Variants in CDYL observed in about 807,000 individuals in gnomAD.
CDYL encodes chromodomain Y like.
In CDYL, 8 loss-of-function variants were observed where a neutral mutation model predicts 47.3. That is an observed-to-expected ratio of 0.17 (90% CI 0.10 to 0.31). The LOEUF is 0.31. Ranked by LOEUF, CDYL falls within the 10% of genes least tolerant of loss-of-function variation. CDYL has a pLI of 1.00. For synonymous variants in CDYL, 266 were observed against 265.0 expected, an observed-to-expected ratio of 1.00 and a Z score of -0.04; for missense variants, 471 against 701.4, an observed-to-expected ratio of 0.67 and a Z score of 3.71.
At chr6:4,950,932 A>AG (rs1410852709) in intron 5 of CDYL, among the ~76,000 whole-genome samples, 2 of 16,752 alleles carry the variant, frequency 1.2e-4, no homozygotes, top group Non-Finnish European at 3.6e-4. Context: ...ACTCCGTCTC[A>AG]AAAAAAAAAA....
chr6:4,840,009 A>C (rs1257364383), intron 1 of CDYL, among the ~76,000 whole-genome samples: 1 of 152,174 alleles, frequency 6.6e-6, no homozygotes, highest in African/African-American at 2.4e-5. Flanking sequence ...TGTTTTTGAC[A>C]GTATGGCCAT....
chr6:4,815,033 G>T (rs1221419633), intron 1 of CDYL, among the ~76,000 whole-genome samples: 1 of 152,168 alleles, frequency 6.6e-6, no homozygotes, highest in Non-Finnish European at 1.5e-5. Flanking sequence ...GTGACCCTTA[G>T]TTTGCCTTCT....
intron 1 of CDYL, among the ~76,000 whole-genome samples, chr6:4,857,209 A>G (rs1249083470): frequency 1.3e-5 from 2 of 152,216 alleles, no homozygotes; most frequent in Non-Finnish European, 2.9e-5. Context: ...CACTGGCATT[A>G]AATACATTCA....
chr6:4,852,801 T>G (rs1223745607), intron 1 of CDYL, among the ~76,000 whole-genome samples: 1 of 148,688 alleles, frequency 6.7e-6, no homozygotes, highest in Non-Finnish European at 1.5e-5. Flanking sequence ...ATGGGTTTCT[T>G]TGTTCTTTTT....
At chr6:4,828,549 C>A (rs1760045790) in intron 1 of CDYL, among the ~76,000 whole-genome samples, 1 of 152,088 alleles carries the variant, frequency 6.6e-6, no homozygotes, top group Non-Finnish European at 1.5e-5. Flanking sequence ...TTAGGATTTT[C>A]TTTTTGTCTT....
chr6:4,723,693 C>T (rs1582280823), intron 2 of CDYL, among the ~76,000 whole-genome samples: 1 of 152,118 alleles, frequency 6.6e-6, no homozygotes, highest in Non-Finnish European at 1.5e-5. Context: ...GGAGTCCTCG[C>T]CTGTCAGCAC....
At chr6:4,911,030 G>A (rs1757399597) in intron 2 of CDYL, among the ~76,000 whole-genome samples, 1 of 152,130 alleles carries the variant, frequency 6.6e-6, no homozygotes, top group African/African-American at 2.4e-5. Context: ...AGTAGAGACG[G>A]GGTTTCACCG....
chr6:4,947,253 G>A (rs1178100230), intron 5 of CDYL, among the ~76,000 whole-genome samples: 1 of 152,212 alleles, frequency 6.6e-6, no homozygotes, highest in Non-Finnish European at 1.5e-5. Flanking sequence ...GGGGGCTTAC[G>A]TGTTCTGATA....
chr6:4,930,481 C>T lies in CDYL; in HGVS notation c.692-5034C>T, dbSNP rs534208876. 5.9e-5 allele frequency among the ~76,000 whole-genome samples: 9 copies of T among 152,314 alleles called. No individual in the cohort carries two copies. The East Asian group carries it at 9.7e-4, about 16-fold the overall frequency. On this transcript the variant is annotated intron_variant, in intron 2 of 6. Coordinates refer to ENST00000397588, the MANE Select transcript of CDYL (RefSeq NM_004824.4). ...GTGGCAGCTGCTTTCGGTGGAAAGG[C>T]GGGTGGACTGTTAGGCTCACCATGT...
chr6:4,860,513 AATAT>A (rs901657209), intron 1 of CDYL, among the ~76,000 whole-genome samples: 10 of 147,500 alleles, frequency 6.8e-5, no homozygotes, highest in East Asian at 2.0e-4. Context: ...ATATATAAAA[AATAT>A]ATATATAATG....
chr6:4,777,156 C>G, intron 1 of CDYL, among the ~76,000 whole-genome samples: 1 of 68,952 alleles, frequency 1.5e-5, no homozygotes, highest in African/African-American at 8.0e-5. Context: ...GTGGGCGGTA[C>G]GGGGGGTGGG....
intron 1 of CDYL, among the ~76,000 whole-genome samples, chr6:4,861,289 G>A (rs1265623249): frequency 1.3e-5 from 2 of 152,256 alleles, no homozygotes; most frequent in South Asian, 2.1e-4. Flanking sequence ...AAATGGAGTC[G>A]TTAACTGTGG....
chr6:4,908,473 A>G (rs1757306176), intron 2 of CDYL, among the ~76,000 whole-genome samples: 1 of 152,184 alleles, frequency 6.6e-6, no homozygotes, highest in Admixed American at 6.5e-5. Flanking sequence ...ATTTCACTGT[A>G]GTTTGCTCAG....
chr6:4,910,490 G>A (rs183495074), intron 2 of CDYL, among the ~76,000 whole-genome samples: 187 of 152,314 alleles, frequency 1.2e-3, no homozygotes, highest in Non-Finnish European at 2.1e-3. Context: ...GGTTCACTGG[G>A]TGACCCCCAT....
chr6:4,742,373 A>G (rs1031673162), intron 3 of CDYL, among the ~76,000 whole-genome samples: 3 of 151,656 alleles, frequency 2.0e-5, no homozygotes, highest in Admixed American at 6.6e-5. Context: ...TCAAAAAAAA[A>G]AAAAAAAAGA....
At chr6:4,744,271 C>A (rs1236402050) in intron 3 of CDYL, among the ~76,000 whole-genome samples, 1 of 152,120 alleles carries the variant, frequency 6.6e-6, no homozygotes, top group Non-Finnish European at 1.5e-5. Context: ...GGTGGGAGGA[C>A]TGCTTGAGGC....
intron 2 of CDYL, among the ~76,000 whole-genome samples, chr6:4,718,369 C>A (rs1259987294): frequency 6.6e-6 from 1 of 152,100 alleles, no homozygotes; most frequent in African/African-American, 2.4e-5. Flanking sequence ...ACCTCTGCCT[C>A]CTGGGTTCAA....
intron 1 of CDYL, among the ~76,000 whole-genome samples, chr6:4,862,017 T>C (rs1482160736): frequency 6.6e-6 from 1 of 152,196 alleles, no homozygotes; most frequent in African/African-American, 2.4e-5. Context: ...AAAGGGACCC[T>C]GCCTCCTCCC....
intron 1 of CDYL, among the ~76,000 whole-genome samples, chr6:4,794,805 T>C (rs1759025097): frequency 6.6e-6 from 1 of 152,202 alleles, no homozygotes; most frequent in South Asian, 2.1e-4. Flanking sequence ...GTCTCGTTGA[T>C]GGAAAAGCAG....
Sources: allele counts gnomAD v4.1 joint callset (sites outside exome capture counted in the v4.1 genomes callset), GRCh38; gene constraint gnomAD v4.1.1; transcripts MANE v1.5; gene names NCBI Gene and HGNC (gene_info 2026-07-23, HGNC 2026-07-21).